Variants in TSPEAR observed in about 807,000 individuals in gnomAD.
The protein encoded by TSPEAR is thrombospondin-type laminin G domain and EAR repeat-containing protein.
TSPEAR carries 69 observed loss-of-function variants against 71.6 expected under a neutral mutation model. The observed-to-expected ratio is 0.96, with a 90% confidence interval of 0.79 to 1.18. The LOEUF is 1.18. TSPEAR is among the 50% of genes most tolerant of loss of function. TSPEAR has a pLI of 0.00. For missense variants in TSPEAR, 971 were observed against 894.9 expected (o/e 1.09, Z -1.09); for synonymous variants, 402 against 387.2 (o/e 1.04, Z -0.45).
chr21:44,540,177 G>A, intron 2 of TSPEAR: 2 of 1,604,558 alleles, frequency 1.2e-6, no homozygotes, highest in South Asian at 1.1e-5. Context: ...GGTGAGCTGC[G>A]GGAGGTGTGA....
Position 44,522,224 on chromosome 21 carries a change from G to C in TSPEAR, c.1337-112C>G, listed in dbSNP as rs78026972. On this transcript the variant is annotated intron_variant, in intron 8 of 11. Coordinates refer to ENST00000323084, the MANE Select transcript of TSPEAR (RefSeq NM_144991.3). ...CCCTCCCCGAGGACCGAAGACCCAC[G>C]AGGACAAGGCCAACCGCTGGGGACA... 5 of 1,038,854 alleles carry C rather than the reference G, an allele frequency of 4.8e-6. No individual in the cohort carries two copies. The Admixed American group carries it at 7.6e-5, about 16-fold the overall frequency. 64.4% of individuals were successfully genotyped at this position (1,038,854 alleles called of 1,614,324 possible).
At chr21:44,545,235 G>A (rs1025758839) in intron 2 of TSPEAR, among the ~76,000 whole-genome samples, 3 of 151,784 alleles carry the variant, frequency 2.0e-5, no homozygotes, top group Non-Finnish European at 4.4e-5. Context: ...GGAGAATGGC[G>A]TGAACCCAGG....
At chr21:44,603,080 G>C (rs1331900980) in intron 1 of TSPEAR, among the ~76,000 whole-genome samples, 1 of 151,948 alleles carries the variant, frequency 6.6e-6, no homozygotes, top group Non-Finnish European at 1.5e-5. Flanking sequence ...AAGGAGGCTG[G>C]GTGAGGCCAG....
In TSPEAR at chr21:44,544,127, G is replaced by A. The variant is rs1300098748; in HGVS notation, c.304-10204C>T. 2.0e-5 allele frequency among the ~76,000 whole-genome samples: 3 copies of A among 152,342 alleles called. No individual in the cohort carries two copies. The South Asian group carries it at 6.2e-4, about 32-fold the overall frequency. ...ATAGGGAGAGTTCACTGGGGTTTAA[G>A]TTTGCGCTGTCCTGGTGATCCATGA... On this transcript the variant is annotated intron_variant, in intron 2 of 11. Coordinates refer to ENST00000323084, the MANE Select transcript of TSPEAR (RefSeq NM_144991.3).
At chr21:44,597,844 C>A (rs587702224) in intron 1 of TSPEAR, among the ~76,000 whole-genome samples, 9 of 152,304 alleles carry the variant, frequency 5.9e-5, no homozygotes, top group African/African-American at 2.2e-4. Flanking sequence ...ACTTTATTGA[C>A]TGATGATTTA....
intron 1 of TSPEAR, among the ~76,000 whole-genome samples, chr21:44,639,227 A>G (rs1983875679): frequency 6.6e-6 from 1 of 152,132 alleles, no homozygotes; most frequent in Non-Finnish European, 1.5e-5. Context: ...TCTCTCCCAA[A>G]TAGCCCTCAG....
At chr21:44,531,544 T>C (rs2052972802) in intron 3 of TSPEAR, among the ~76,000 whole-genome samples, 1 of 152,018 alleles carries the variant, frequency 6.6e-6, no homozygotes, top group Non-Finnish European at 1.5e-5. Context: ...CCAGGTAAGG[T>C]CACATTCACG....
At chr21:44,630,717 G>A (rs1364981955) in intron 1 of TSPEAR, among the ~76,000 whole-genome samples, 15 of 152,044 alleles carry the variant, frequency 9.9e-5, no homozygotes, top group South Asian at 4.2e-4. Flanking sequence ...GTCGCAAACC[G>A]CCCAGGTGAG....
At chr21:44,652,069 C>T (rs1431948438) in intron 1 of TSPEAR, among the ~76,000 whole-genome samples, 7 of 151,232 alleles carry the variant, frequency 4.6e-5, no homozygotes, top group East Asian at 1.9e-4. Flanking sequence ...CTGCAAGGTC[C>T]GCCTCCCGCG....
chr21:44,530,264 C>T (rs1222191607), intron 4 of TSPEAR, among the ~76,000 whole-genome samples: 2 of 152,178 alleles, frequency 1.3e-5, no homozygotes, highest in Non-Finnish European at 2.9e-5. Context: ...ATGCATTCAT[C>T]CATCCATCTG....
chr21:44,543,138 G>T (rs187489091), intron 2 of TSPEAR, among the ~76,000 whole-genome samples: 7 of 151,780 alleles, frequency 4.6e-5, no homozygotes, highest in Admixed American at 4.6e-4. Flanking sequence ...AAATACTAAA[G>T]GGAGCATTAG....
At chr21:44,606,448 C>T (rs774381821) in intron 1 of TSPEAR, among the ~76,000 whole-genome samples, 36 of 152,128 alleles carry the variant, frequency 2.4e-4, no homozygotes, top group Admixed American at 1.0e-3. Flanking sequence ...ACAACCACTA[C>T]GGGAAACAGT....
intron 1 of TSPEAR, among the ~76,000 whole-genome samples, chr21:44,673,842 C>G (rs1180525442): frequency 6.6e-6 from 1 of 151,640 alleles, no homozygotes; most frequent in Non-Finnish European, 1.5e-5. Context: ...GGAAATTGAA[C>G]AACATGTTCC....
chr21:44,689,096 C>T (rs1491002264), intron 1 of TSPEAR, among the ~76,000 whole-genome samples: 5 of 152,086 alleles, frequency 3.3e-5, no homozygotes, highest in Non-Finnish European at 7.4e-5. Flanking sequence ...CCGGGCAGCC[C>T]GGGACCACCC....
At chr21:44,599,536 C>T (rs1980632467) in intron 1 of TSPEAR, among the ~76,000 whole-genome samples, 1 of 152,244 alleles carries the variant, frequency 6.6e-6, no homozygotes, top group African/African-American at 2.4e-5. Flanking sequence ...GCCCACCTCC[C>T]TCCCTGGTGG....
chr21:44,653,159 A>G (rs922561437), intron 1 of TSPEAR, among the ~76,000 whole-genome samples: 3 of 152,170 alleles, frequency 2.0e-5, no homozygotes, highest in Non-Finnish European at 4.4e-5. Flanking sequence ...TCCATCTCAA[A>G]AAAAAAGAAA....
At chr21:44,608,565 A>C (rs1375389094) in intron 1 of TSPEAR, among the ~76,000 whole-genome samples, 2 of 152,236 alleles carry the variant, frequency 1.3e-5, no homozygotes, top group African/African-American at 2.4e-5. Flanking sequence ...TAAGAAACAC[A>C]AGTAGCCATA....
In TSPEAR at chr21:44,681,724, G is replaced by A. The variant is rs1378473881; in HGVS notation, c.82+29709C>T. 1.9e-5 allele frequency: 26 copies of A among 1,355,382 alleles called. No homozygotes were observed. In the African/African-American group the frequency reaches 3.4e-4, roughly 17 times the overall value. 84.0% of individuals were successfully genotyped at this position (1,355,382 alleles called of 1,614,324 possible). On this transcript the variant is annotated intron_variant, in intron 1 of 11. Transcript: ENST00000323084. ...ATCCAGAATTCAGAGGGTTCACTGA[G>A]CATGCTTTTCACCTGCACCATGTGC...
At chr21:44,578,875 G>A (rs977525861) in intron 1 of TSPEAR, among the ~76,000 whole-genome samples, 4 of 152,174 alleles carry the variant, frequency 2.6e-5, no homozygotes, top group South Asian at 2.1e-4. Flanking sequence ...CTGCAGGTGC[G>A]GACTCTGGGT....
Sources: allele counts gnomAD v4.1 joint callset (sites outside exome capture counted in the v4.1 genomes callset), GRCh38; gene constraint gnomAD v4.1.1; transcripts MANE v1.5; gene names NCBI Gene and HGNC (gene_info 2026-07-23, HGNC 2026-07-21).